The following EIF4E variants were observed in gnomAD, a reference collection of about 807,000 sequenced individuals.
EIF4E encodes eIF-4F 25 kDa subunit.
For synonymous variants in EIF4E, 71 were observed against 88.5 expected, an observed-to-expected ratio of 0.80 and a Z score of 1.11; for missense variants, 113 against 265.6, an observed-to-expected ratio of 0.43 and a Z score of 3.99.
chr4:98,886,724 T>A, intron 5 of EIF4E: 1 of 340,852 alleles, frequency 2.9e-6, no homozygotes, highest in South Asian at 2.4e-5. Flanking sequence ...TCTAAAAATA[T>A]AAGTATTTAA....
At chr4:98,914,186 T>C (rs1464339899) in intron 1 of EIF4E, among the ~76,000 whole-genome samples, 2 of 151,346 alleles carry the variant, frequency 1.3e-5, no homozygotes, top group Non-Finnish European at 2.9e-5. Flanking sequence ...TGAAACCTCG[T>C]CTCTACTAAA....
rs201302296 is a variant in EIF4E at position 98,886,531 on chromosome 4, T to C, written c.399+548A>G. On this transcript the variant is annotated intron_variant, in intron 5 of 6. Transcript: ENST00000450253. ...AAGTTTGAGACCAACCTGGGCAACA[T>C]AGCAAGATCCCATCTCTGGAAAAAA... The C allele has an allele frequency of 1.3e-3, 540 of 426,924 alleles. 1 individual carries two copies. Among genetic ancestry groups the C allele is most frequent in the African/African-American group, 8.0e-3 (390 of 48,868 alleles). 26.4% of individuals were successfully genotyped at this position (426,924 alleles called of 1,614,324 possible).
chr4:98,909,023 T>C (rs1449108803), intron 1 of EIF4E, among the ~76,000 whole-genome samples: 2 of 152,194 alleles, frequency 1.3e-5, no homozygotes, highest in Non-Finnish European at 2.9e-5. Context: ...ATCTATAATA[T>C]ATACTGTGCT....
At chr4:98,914,767 A>C (rs1052934438) in intron 1 of EIF4E, among the ~76,000 whole-genome samples, 1 of 152,198 alleles carries the variant, frequency 6.6e-6, no homozygotes, top group African/African-American at 2.4e-5. Flanking sequence ...CCTAATGTAA[A>C]GTATGAACTT....
chr4:98,891,748 GT>G (rs775368597), intron 2 of EIF4E, among the ~76,000 whole-genome samples: 4 of 152,136 alleles, frequency 2.6e-5, no homozygotes, highest in Non-Finnish European at 5.9e-5. Flanking sequence ...GTTGCAGAAA[GT>G]ACTTAACATT....
intron 1 of EIF4E, among the ~76,000 whole-genome samples, chr4:98,918,982 T>C (rs1209021153): frequency 6.6e-6 from 1 of 152,144 alleles, no homozygotes; most frequent in African/African-American, 2.4e-5. Flanking sequence ...TTGAACACTG[T>C]AAAGTACTGT....
chr4:98,927,520 G>A (rs1267117656), intron 1 of EIF4E, among the ~76,000 whole-genome samples: 1 of 151,808 alleles, frequency 6.6e-6, no homozygotes, highest in Non-Finnish European at 1.5e-5. Context: ...GCCAGGCACG[G>A]TTGTGCGCAC....
intron 1 of EIF4E, among the ~76,000 whole-genome samples, chr4:98,927,306 C>A (rs1454844041): frequency 2.0e-5 from 3 of 152,116 alleles, no homozygotes; most frequent in East Asian, 3.9e-4. Flanking sequence ...TACACCAACG[C>A]AATGAAAAAT....
intron 1 of EIF4E, among the ~76,000 whole-genome samples, chr4:98,905,225 G>T (rs1384214666): frequency 7.3e-6 from 1 of 137,796 alleles, no homozygotes; most frequent in Non-Finnish European, 1.5e-5. Flanking sequence ...GTTCTATCAG[G>T]GAATTTAAAA....
chr4:98,889,029 T>C (rs1296765097), intron 3 of EIF4E, among the ~76,000 whole-genome samples: 1 of 151,684 alleles, frequency 6.6e-6, no homozygotes, highest in East Asian at 1.9e-4. Context: ...CGTGGTGGCA[T>C]GCGCCTGTAA....
chr4:98,898,408 A>G (rs1579161981), intron 2 of EIF4E, among the ~76,000 whole-genome samples: 1 of 152,230 alleles, frequency 6.6e-6, no homozygotes, highest in African/African-American at 2.4e-5. Flanking sequence ...GGAGTTCAAG[A>G]TCAGCCTGGC....
intron 1 of EIF4E, among the ~76,000 whole-genome samples, chr4:98,928,049 AG>A (rs1039469038): frequency 1.5e-4 from 23 of 152,378 alleles, no homozygotes; most frequent in African/African-American, 5.5e-4. Context: ...AGAAAAAAAA[AG>A]TCAAATGGAA....
intron 1 of EIF4E, among the ~76,000 whole-genome samples, chr4:98,912,944 C>T (rs1255467887): frequency 6.6e-6 from 1 of 152,098 alleles, no homozygotes; most frequent in Admixed American, 6.5e-5. Context: ...TGGTGGCTCA[C>T]GCCTGTAATC....
rs182877160 is a variant in EIF4E at position 98,893,675 on chromosome 4, C to T, written c.126-2343G>A. 1.6e-3 allele frequency among the ~76,000 whole-genome samples: 244 copies of T among 152,364 alleles called. 1 individual carries two copies. Among genetic ancestry groups the T allele is most frequent in the African/African-American group, 5.8e-3 (240 of 41,596 alleles). On this transcript the variant is annotated intron_variant, in intron 2 of 6. Coordinates refer to ENST00000450253, the MANE Select transcript of EIF4E (RefSeq NM_001968.5). Reference sequence around the variant, plus strand: ...TACTGTTGGTCTCTTGCTCTCTGCACATCTGCAGTTACTTCTTCCACTAAA... The same window carrying T: ...TACTGTTGGTCTCTTGCTCTCTGCATATCTGCAGTTACTTCTTCCACTAAA...
intron 1 of EIF4E, among the ~76,000 whole-genome samples, chr4:98,920,476 G>T (rs1457219438): frequency 6.6e-6 from 1 of 151,818 alleles, no homozygotes; most frequent in Non-Finnish European, 1.5e-5. Context: ...TGTATTTTTA[G>T]TAAAGATAAG....
chr4:98,909,652 C>T, intron 1 of EIF4E: 1 of 711,190 alleles, frequency 1.4e-6, no homozygotes, highest in Admixed American at 2.0e-5. Flanking sequence ...AGCTTCCAAC[C>T]TGTGCTGGCA....
At chr4:98,904,955 T>C (rs917398388) in intron 1 of EIF4E, among the ~76,000 whole-genome samples, 11 of 152,072 alleles carry the variant, frequency 7.2e-5, no homozygotes, top group Admixed American at 2.6e-4. Context: ...AAAATTTTTA[T>C]TGGGCATAGA....
At chr4:98,911,306 C>A (rs1276789675) in intron 1 of EIF4E, among the ~76,000 whole-genome samples, 2 of 151,042 alleles carry the variant, frequency 1.3e-5, no homozygotes, top group African/African-American at 4.9e-5. Flanking sequence ...CCTCGGCCTC[C>A]CAAAGTGCTG....
chr4:98,928,888 C>T (rs1721348439), intron 1 of EIF4E: 1 of 1,551,564 alleles, frequency 6.4e-7, no homozygotes, highest in Non-Finnish European at 8.7e-7. Context: ...AGTTCTCGGG[C>T]CCCCACCAGA....
Sources: allele counts gnomAD v4.1 joint callset (sites outside exome capture counted in the v4.1 genomes callset), GRCh38; gene constraint gnomAD v4.1.1; transcripts MANE v1.5; gene names NCBI Gene and HGNC (gene_info 2026-07-23, HGNC 2026-07-21).